ZNF564: variants seen among roughly 807,000 people sequenced by gnomAD.
ZNF564 encodes the protein zinc finger protein 564.
ZNF564 carries 5 observed loss-of-function variants against 10.5 expected under a neutral mutation model. The observed-to-expected ratio is 0.48, with a 90% CI of 0.25 to 1.00. The LOEUF (loss-of-function observed/expected upper bound fraction) is 1.00. Among genes scored for constraint, ZNF564 ranks in the 50% least tolerant of loss-of-function variants. ZNF564 has a pLI of 0.16. For missense variants in ZNF564, 603 were observed against 669.7 expected, an observed-to-expected ratio of 0.90 and a Z score of 1.10; for synonymous variants, 242 against 218.1, an observed-to-expected ratio of 1.11 and a Z score of -0.97.
Position 12,551,395 on chromosome 19 carries a change from A to T in ZNF564, c.-63T>A. 6.6e-7 allele frequency: 1 copy of T among 1,513,828 alleles called. No homozygotes were observed. The highest frequency in any genetic ancestry group is 2.6e-5 in the East Asian group (1 of 38,580). The allele number at this position is 1,513,828 out of a possible 1,614,324, so 93.8% of individuals were successfully genotyped here. A position where few individuals can be genotyped will look rare whatever the true frequency, so the allele number is the denominator to read the frequency against. On this transcript the variant is annotated 5_prime_UTR_variant, in exon 1 of 4. Coordinates refer to ENST00000339282, the MANE Select transcript of ZNF564 (RefSeq NM_144976.4). ...GCTCTCTCCGGCCTGTGCAGGTCCC[A>T]GCGCGCCAGACGCTGCGGTGGAGCC...
Position 12,527,135 on chromosome 19 carries a change from G to T in ZNF564, c.973C>A (p.Arg325=). The change falls in exon 4 of 4, where the codon CGA becomes AGA. Residue 325 remains arginine (R), a synonymous_variant. Coordinates refer to ENST00000339282, the MANE Select transcript of ZNF564 (RefSeq NM_144976.4). ...GRAFIFPSYV[R]KHERTHTGEK... ...CCAGTATGAGTTCTTTCATGCTTTC[G>T]AACATAACTGGGAAAAATAAAGGCT... 1 of 1,613,948 alleles carries T rather than the reference G, an allele frequency of 6.2e-7. No individual in the cohort carries two copies. The highest frequency in any genetic ancestry group is 8.5e-7 in the Non-Finnish European group (1 of 1,179,988).
At position 12,527,603 on chromosome 19, in the gene ZNF564, A is replaced by T. The variant is rs2021715619; in HGVS notation, c.505T>A (p.Tyr169Asn). ...HERTHTGEKP[Y>N]ACPECGKAFI... is the part of the protein sequence containing the mutation. Reference sequence around the variant, plus strand: ...GCTTTCCCACATTCCGGACATGCATAGGGTTTCTCACCAGTGTGAGTTCTT... The same window carrying T: ...GCTTTCCCACATTCCGGACATGCATTGGGTTTCTCACCAGTGTGAGTTCTT... Residue 169 changes from tyrosine (Y) to asparagine (N), a missense_variant, in exon 4 of 4, where the codon TAT (tyrosine) becomes AAT (asparagine). By Grantham distance (143) the Tyr-to-Asn change is moderately radical. Coordinates refer to ENST00000339282, the MANE Select transcript of ZNF564 (RefSeq NM_144976.4). The T allele has an allele frequency of 5.0e-6, 8 of 1,614,082 alleles. No homozygotes were observed. Among genetic ancestry groups the T allele is most frequent in the Non-Finnish European group, 6.8e-6 (8 of 1,180,048 alleles).
intron 1 of ZNF564, among the ~76,000 whole-genome samples, chr19:12,541,005 TC>T (rs2022035194): frequency 1.3e-5 from 1 of 76,008 alleles, no homozygotes. Flanking sequence ...AGACTCTGTC[TC>T]AAAAAAAAAA....
At position 12,536,347 on chromosome 19, in the gene ZNF564, T is replaced by C. The variant is rs112759737; in HGVS notation, c.4-7651A>G. On this transcript the variant is annotated intron_variant, in intron 1 of 3. Transcript: ENST00000339282. ...ACATGTCACCATGCTCAGGAAATTT[T>C]TGTATTTTTTGTAGAGACGGGGTTT... Among the ~76,000 whole-genome samples the C allele has an allele frequency of 6.0e-3, 917 of 152,244 alleles. 16 individuals are homozygous for C. Among genetic ancestry groups the C allele is most frequent in the African/African-American group, 0.021 (874 of 41,540 alleles).
intron 1 of ZNF564, among the ~76,000 whole-genome samples, chr19:12,531,347 C>T (rs2021796056): frequency 6.6e-6 from 1 of 151,922 alleles, no homozygotes; most frequent in East Asian, 1.9e-4. Flanking sequence ...GAGTCAGGAT[C>T]ATTTGAGTTA....
chr19:12,528,207 A>C, intron 3 of ZNF564, 97 bp downstream of exon 3: 1 of 1,225,516 alleles, frequency 8.2e-7, no homozygotes, highest in Non-Finnish European at 1.2e-6. Flanking sequence ...AGGAATAAAT[A>C]AATCTGAAGC....
Position 12,527,135 on chromosome 19 carries a change from GAACAT to G in ZNF564, c.968_972del (p.Tyr323SerfsTer4). ...CCAGTATGAGTTCTTTCATGCTTTC[GAACAT>G]AACTGGGAAAAATAAAGGCTCTCCC... On this transcript the variant is annotated frameshift_variant, in exon 4 of 4. Transcript: ENST00000339282. LOFTEE classifies it low-confidence loss of function (END_TRUNC). 1 of 1,613,948 alleles carries G rather than the reference GAACAT, an allele frequency of 6.2e-7. No individual in the cohort carries two copies. The highest frequency in any genetic ancestry group is 1.3e-5 in the African/African-American group (1 of 74,984).
At position 12,527,660 on chromosome 19, in the gene ZNF564, A is replaced by T. The variant is rs1409809373; in HGVS notation, c.448T>A (p.Phe150Ile). Residue 150 changes from phenylalanine to isoleucine, a missense_variant, in exon 4 of 4, where the codon TTC (phenylalanine) becomes ATC (isoleucine). Transcript: ENST00000339282. ...CTTCGAAAGGATTGACAAGAACTGAAGGCTTTCCCACACTGCTTACATTTA... is the reference window on the plus strand; with the variant it reads ...CTTCGAAAGGATTGACAAGAACTGATGGCTTTCCCACACTGCTTACATTTA... ...PYKCKQCGKAFSSCQSFRRHE... is the reference protein window; with the variant it reads ...PYKCKQCGKAISSCQSFRRHE... 1.2e-6 allele frequency: 2 copies of T among 1,614,076 alleles called. No homozygotes were observed. Among genetic ancestry groups the T allele is most frequent in the Non-Finnish European group, 1.7e-6 (2 of 1,180,028 alleles).
intron 1 of ZNF564, among the ~76,000 whole-genome samples, chr19:12,532,468 G>A (rs2021827034): frequency 2.1e-5 from 3 of 141,184 alleles, no homozygotes. Context: ...CCGGAAGGCG[G>A]AGCTTGCAGT....
chr19:12,538,382 T>C (rs1339255189), intron 1 of ZNF564, among the ~76,000 whole-genome samples: 2 of 151,778 alleles, frequency 1.3e-5, no homozygotes, highest in Admixed American at 6.6e-5. Context: ...TCCCAGCACT[T>C]TGGGAGGCCA....
At chr19:12,539,551 CCA>C (rs1568265102) in intron 1 of ZNF564, among the ~76,000 whole-genome samples, 1 of 150,756 alleles carries the variant, frequency 6.6e-6, no homozygotes, top group South Asian at 2.1e-4. Context: ...ACCTGTAGTC[CCA>C]GTTACTTGGG....
In ZNF564 at chr19:12,551,398, G is replaced by A. The variant is rs1390086316; in HGVS notation, c.-66C>T. On this transcript the variant is annotated 5_prime_UTR_variant, in exon 1 of 4. Transcript: ENST00000339282. ...CTCTCCGGCCTGTGCAGGTCCCAGC[G>A]CGCCAGACGCTGCGGTGGAGCCACC... 1 of 1,505,276 alleles carries A rather than the reference G, an allele frequency of 6.6e-7. No individual in the cohort carries two copies. Among genetic ancestry groups the A allele is most frequent in the South Asian group, 1.2e-5 (1 of 81,210 alleles). The allele number at this position is 1,505,276 out of a possible 1,614,324, so 93.2% of individuals were successfully genotyped here. A position where few individuals can be genotyped will look rare whatever the true frequency, so the allele number is the denominator to read the frequency against.
chr19:12,540,502 T>C (rs576432084), intron 1 of ZNF564, among the ~76,000 whole-genome samples: 14 of 152,046 alleles, frequency 9.2e-5, no homozygotes, highest in Admixed American at 2.0e-4. Context: ...GACAGATCAG[T>C]TGAGGTCAGG....
At chr19:12,532,709 G>A (rs1457512858) in intron 1 of ZNF564, among the ~76,000 whole-genome samples, 1 of 151,700 alleles carries the variant, frequency 6.6e-6, no homozygotes, top group Non-Finnish European at 1.5e-5. Flanking sequence ...GGGAGACACA[G>A]TGAGACTCTG....
At chr19:12,549,202 G>A (rs1241282217) in intron 1 of ZNF564, among the ~76,000 whole-genome samples, 2 of 152,048 alleles carry the variant, frequency 1.3e-5, no homozygotes, top group African/African-American at 4.8e-5. Flanking sequence ...ACTTTATCTT[G>A]TCTTTCAAGC....
chr19:12,528,670 A>G lies in ZNF564; in HGVS notation c.30T>C (p.Ala10=). 6.2e-7 allele frequency: 1 copy of G among 1,613,046 alleles called. No homozygotes were observed. Among genetic ancestry groups the G allele is most frequent in the Non-Finnish European group, 8.5e-7 (1 of 1,179,772 alleles). The change falls in exon 2 of 4, where the codon GCT becomes GCC. Residue 10 remains alanine, a synonymous_variant. Coordinates refer to ENST00000339282, the MANE Select transcript of ZNF564 (RefSeq NM_144976.4). MDSVASEDV[A]VNFTLEEWAL... ...CCCACTCCTCAAGTGTGAAGTTCAC[A>G]GCCACATCCTCAGAGGCCACTGAGT...
chr19:12,534,748 A>G (rs1212468457), intron 1 of ZNF564, among the ~76,000 whole-genome samples: 1 of 152,158 alleles, frequency 6.6e-6, no homozygotes, highest in Non-Finnish European at 1.5e-5. Flanking sequence ...CAGGAGGTGG[A>G]GGCTGCAGTA....
Position 12,526,803 on chromosome 19 carries a change from C to G in ZNF564, c.1305G>C (p.Arg435Ser), listed in dbSNP as rs1280202458. The G allele has an allele frequency of 6.2e-7, 1 of 1,612,400 alleles. No individual in the cohort carries two copies. Among genetic ancestry groups the G allele is most frequent in the Non-Finnish European group, 8.5e-7 (1 of 1,179,552 alleles). The change falls in exon 4 of 4, where the codon AGG becomes AGC. Residue 435 changes from arginine (R) to serine (S), a missense_variant. Physicochemically the swap from Arg to Ser is moderately radical, Grantham distance 110 (BLOSUM62 -1). Coordinates refer to ENST00000339282, the MANE Select transcript of ZNF564 (RefSeq NM_144976.4). The part of the protein sequence containing the change: ...VCGKAFISLK[R>S]IRKHMILHTG... ...TGTGCAGTATCATATGTTTTCTAAT[C>G]CTTTTAAGAGAAATGAAGGCTTTCC...
At chr19:12,534,839 C>G (rs190081135) in intron 1 of ZNF564, among the ~76,000 whole-genome samples, 18 of 151,908 alleles carry the variant, frequency 1.2e-4, no homozygotes, top group Non-Finnish European at 5.9e-5. Context: ...AAAACATACT[C>G]AACATATAAC....
Sources: allele counts gnomAD v4.1 joint callset (sites outside exome capture counted in the v4.1 genomes callset), GRCh38; gene constraint gnomAD v4.1.1; transcripts MANE v1.5; gene names NCBI Gene and HGNC (gene_info 2026-07-23, HGNC 2026-07-21).